Variants in INPP4B observed in about 807,000 individuals in gnomAD.
INPP4B encodes inositol polyphosphate-4-phosphatase type II B.
Under a neutral mutation model 122.5 loss-of-function variants are expected in INPP4B, and 55 were observed. That is an observed-to-expected ratio of 0.45 (90% confidence interval 0.36 to 0.56). The LOEUF (loss-of-function observed/expected upper bound fraction) is 0.56. INPP4B is among the 20% of genes least tolerant of loss of function. INPP4B has a pLI of 0.00. For missense variants in INPP4B, 1,000 were observed against 1,097.7 expected, an observed-to-expected ratio of 0.91 and a Z score of 1.26; for synonymous variants, 403 against 388.7, an observed-to-expected ratio of 1.04 and a Z score of -0.43.
intron 1 of INPP4B, among the ~76,000 whole-genome samples, chr4:142,739,730 G>A (rs60223732): frequency 0.02 from 3,094 of 151,950 alleles, 102 homozygotes; most frequent in African/African-American, 0.069. Flanking sequence ...AACTCATTAG[G>A]TCATTGGATT....
intron 2 of INPP4B, among the ~76,000 whole-genome samples, chr4:142,632,654 GAATTA>G (rs1748226924): frequency 6.6e-6 from 1 of 151,786 alleles, no homozygotes; most frequent in South Asian, 2.1e-4. Flanking sequence ...TATATAAAAA[GAATTA>G]AATACCCAAT....
intron 2 of INPP4B, among the ~76,000 whole-genome samples, chr4:142,567,913 C>T (rs1560811165): frequency 6.6e-6 from 1 of 152,128 alleles, no homozygotes; most frequent in Non-Finnish European, 1.5e-5. Context: ...AATTAAAACA[C>T]AAATTTACCT....
intron 1 of INPP4B, among the ~76,000 whole-genome samples, chr4:142,814,660 G>C (rs1232108517): frequency 2.0e-5 from 3 of 152,004 alleles, no homozygotes; most frequent in African/African-American, 7.2e-5. Context: ...CTTCCCAATG[G>C]CCAAAGCTGG....
At chr4:142,214,622 AGCTCACTGCAACCTCCACCTCC>A in intron 12 of INPP4B, among the ~76,000 whole-genome samples, 1 of 152,092 alleles carries the variant, frequency 6.6e-6, no homozygotes, top group African/African-American at 2.4e-5. Context: ...GTGTGATCTC[AGCTCACTGCAACCTCCACCTCC>A]CTGGTTCCAG....
chr4:142,100,390 C>G (rs1783972933), intron 23 of INPP4B, among the ~76,000 whole-genome samples: 1 of 152,164 alleles, frequency 6.6e-6, no homozygotes, highest in African/African-American at 2.4e-5. Flanking sequence ...CTCAACAACA[C>G]TCTAGATCCA....
At chr4:142,766,432 A>C (rs1373082332) in intron 1 of INPP4B, among the ~76,000 whole-genome samples, 1 of 151,882 alleles carries the variant, frequency 6.6e-6, no homozygotes, top group East Asian at 1.9e-4. Flanking sequence ...CCCAGGCTGA[A>C]GTGCAATGGT....
chr4:142,783,055 A>G (rs903690989), intron 1 of INPP4B, among the ~76,000 whole-genome samples: 1 of 151,928 alleles, frequency 6.6e-6, no homozygotes, highest in Non-Finnish European at 1.5e-5. Context: ...TAAAACCATA[A>G]AAACCCTAGA....
chr4:142,204,363 A>G (rs1025496372), intron 14 of INPP4B, among the ~76,000 whole-genome samples: 6 of 152,028 alleles, frequency 3.9e-5, no homozygotes, highest in South Asian at 2.1e-4. Context: ...GCCTTTTCCC[A>G]TATTTTCTTC....
intron 2 of INPP4B, among the ~76,000 whole-genome samples, chr4:142,641,421 C>G (rs552918941): frequency 7.1e-6 from 1 of 141,398 alleles, no homozygotes; most frequent in Non-Finnish European, 1.5e-5. Flanking sequence ...CCTACCCCCT[C>G]CCCCCACCCC....
At chr4:142,576,730 T>G (rs1051570500) in intron 2 of INPP4B, among the ~76,000 whole-genome samples, 26 of 152,026 alleles carry the variant, frequency 1.7e-4, no homozygotes, top group Admixed American at 2.0e-4. Flanking sequence ...ATCTGATCCC[T>G]CTACACCCAC....
chr4:142,025,765 C>T lies in INPP4B; in HGVS notation c.*3017G>A, dbSNP rs542133451. 6.6e-6 allele frequency: 1 copy of T among 152,222 alleles called. No homozygotes were observed. Among genetic ancestry groups the T allele is most frequent in the East Asian group, 1.9e-4 (1 of 5,180 alleles). 9.4% of individuals were successfully genotyped at this position (152,222 alleles called of 1,614,324 possible). On this transcript the variant is annotated 3_prime_UTR_variant, in exon 26 of 26. Coordinates refer to ENST00000262992, the MANE Select transcript of INPP4B (RefSeq NM_001101669.3). ...AGTCTTATAAAATAAGGGCTGGAGG[C>T]TGGGTCCATGGAGCTCTGCCCTGAT...
chr4:142,822,297 T>C (rs1780882965), intron 1 of INPP4B, among the ~76,000 whole-genome samples: 1 of 152,196 alleles, frequency 6.6e-6, no homozygotes, highest in Admixed American at 6.5e-5. Flanking sequence ...AGAGCTAAGA[T>C]GATCACTCCC....
intron 15 of INPP4B, among the ~76,000 whole-genome samples, chr4:142,183,675 G>T (rs907956770): frequency 6.6e-6 from 1 of 152,152 alleles, no homozygotes; most frequent in African/African-American, 2.4e-5. Context: ...AAGTTCAAAA[G>T]TTCCTCCTTG....
intron 2 of INPP4B, among the ~76,000 whole-genome samples, chr4:142,699,174 T>A (rs1761404336): frequency 1.3e-5 from 2 of 152,146 alleles, no homozygotes; most frequent in African/African-American, 4.8e-5. Flanking sequence ...GATTAAATGT[T>A]AGAGCACTAT....
chr4:142,326,187 C>T (rs537210781), intron 7 of INPP4B, among the ~76,000 whole-genome samples: 3 of 152,274 alleles, frequency 2.0e-5, no homozygotes, highest in African/African-American at 4.8e-5. Context: ...GGTTTTCTTG[C>T]ACTATGTGTT....
intron 3 of INPP4B, among the ~76,000 whole-genome samples, chr4:142,447,397 T>C (rs569479665): frequency 8.8e-4 from 134 of 152,286 alleles, no homozygotes; most frequent in Non-Finnish European, 1.6e-3. Flanking sequence ...CTAGGCTGGA[T>C]TGGGAAACCA....
intron 8 of INPP4B, among the ~76,000 whole-genome samples, chr4:142,314,338 T>C (rs1227309434): frequency 6.6e-6 from 1 of 152,062 alleles, no homozygotes; most frequent in Non-Finnish European, 1.5e-5. Flanking sequence ...AAACAGAAAA[T>C]ACCACAATCC....
chr4:142,143,607 G>A (rs922819251), intron 18 of INPP4B, among the ~76,000 whole-genome samples: 12 of 151,980 alleles, frequency 7.9e-5, no homozygotes, highest in African/African-American at 2.9e-4. Context: ...AATAAAATAA[G>A]TATTCATGAG....
intron 1 of INPP4B, among the ~76,000 whole-genome samples, chr4:142,777,089 T>C (rs1203196106): frequency 1.3e-5 from 2 of 152,166 alleles, no homozygotes; most frequent in Admixed American, 1.3e-4. Context: ...TACCAGTCTG[T>C]GTTAAGGCAG....
Sources: allele counts gnomAD v4.1 joint callset (sites outside exome capture counted in the v4.1 genomes callset), GRCh38; gene constraint gnomAD v4.1.1; transcripts MANE v1.5; gene names NCBI Gene and HGNC (gene_info 2026-07-23, HGNC 2026-07-21).